NXPE4: variants seen among roughly 807,000 people sequenced by gnomAD.
NXPE4 encodes neurexophilin and PC-esterase domain family member 4.
Under a neutral mutation model 33.3 loss-of-function variants are expected in NXPE4, and 42 were observed. The ratio of observed to expected loss-of-function variants is 1.26; its 90% CI spans 0.98 to 1.63. The LOEUF (loss-of-function observed/expected upper bound fraction) is 1.63, where lower values mean the gene tolerates loss of function less well. Ranked by LOEUF, NXPE4 falls within the 40% of genes most tolerant of loss-of-function variation. The probability of loss-of-function intolerance (pLI) is 0.00; values close to 1 mark genes in which losing one functional copy is unlikely to be tolerated. For synonymous variants in NXPE4, 253 were observed against 234.9 expected (o/e 1.08, Z -0.71); for missense variants, 709 against 647.6 (o/e 1.09, Z -1.03).
chr11:114,658,103 C>T, the NXPE4 span, among the ~76,000 whole-genome samples: 12 of 151,958 alleles, frequency 7.9e-5, no homozygotes, highest in African/African-American at 2.2e-4. Flanking sequence ...TCATCAATCC[C>T]GTCATAAAAA....
At chr11:114,665,965 G>A in the NXPE4 span, among the ~76,000 whole-genome samples, 3 of 152,114 alleles carry the variant, frequency 2.0e-5, no homozygotes, top group Non-Finnish European at 4.4e-5. Flanking sequence ...GGAGACTGAG[G>A]TAGGGGGCAG....
chr11:114,619,606 A>C, the NXPE4 span, among the ~76,000 whole-genome samples: 1 of 131,216 alleles, frequency 7.6e-6, no homozygotes, highest in Non-Finnish European at 1.6e-5. Context: ...AGTGCTTCCC[A>C]GTGGAAAATG....
chr11:114,669,258 T>C, the NXPE4 span, among the ~76,000 whole-genome samples: 2 of 152,114 alleles, frequency 1.3e-5, no homozygotes, highest in Non-Finnish European at 2.9e-5. Flanking sequence ...AAACATTTTT[T>C]GAAGAAAATC....
the NXPE4 span, among the ~76,000 whole-genome samples, chr11:114,619,971 C>A: frequency 1.1e-3 from 163 of 152,018 alleles, no homozygotes; most frequent in African/African-American, 3.9e-3. Flanking sequence ...CGTGAGTAAC[C>A]ACTGTTACCT....
At chr11:114,612,806 G>T in the NXPE4 span, among the ~76,000 whole-genome samples, 1 of 151,832 alleles carries the variant, frequency 6.6e-6, no homozygotes, top group Non-Finnish European at 1.5e-5. Context: ...GTGTTGCCTC[G>T]TGGGAAAGCA....
intron 5 of NXPE4, among the ~76,000 whole-genome samples, chr11:114,577,603 C>T (rs758106048): frequency 7.9e-5 from 12 of 152,160 alleles, no homozygotes; most frequent in Middle Eastern, 3.4e-3. Context: ...ATTACGTGCA[C>T]GCCACCTTAT....
chr11:114,611,941 T>C, the NXPE4 span, among the ~76,000 whole-genome samples: 1 of 151,986 alleles, frequency 6.6e-6, no homozygotes, highest in Non-Finnish European at 1.5e-5. Context: ...GGGTAACCAC[T>C]GTTACCTGGT....
the NXPE4 span, among the ~76,000 whole-genome samples, chr11:114,643,855 G>A: frequency 3.3e-5 from 5 of 152,136 alleles, no homozygotes; most frequent in Non-Finnish European, 5.9e-5. Flanking sequence ...ACTTTAGGCA[G>A]AATGGCCACT....
At chr11:114,638,082 C>T in the NXPE4 span, among the ~76,000 whole-genome samples, 63 of 151,508 alleles carry the variant, frequency 4.2e-4, 2 homozygotes, top group Non-Finnish European at 7.5e-4. Flanking sequence ...TCCATTCACC[C>T]CGTCACTTTC....
the NXPE4 span, among the ~76,000 whole-genome samples, chr11:114,636,769 A>C: frequency 7.3e-5 from 11 of 151,526 alleles, no homozygotes; most frequent in Non-Finnish European, 1.2e-4. Context: ...GTAGTTGAGT[A>C]GTTTTGAGTG....
the NXPE4 span, among the ~76,000 whole-genome samples, chr11:114,668,235 T>C: frequency 1.3e-5 from 2 of 152,054 alleles, no homozygotes; most frequent in Non-Finnish European, 2.9e-5. Context: ...TTAGGATCTA[T>C]GTTAATTAAG....
intron 2 of NXPE4, among the ~76,000 whole-genome samples, chr11:114,586,035 G>A (rs1028721415): frequency 6.6e-6 from 1 of 152,116 alleles, no homozygotes. Flanking sequence ...TATGCAAATG[G>A]CACACCGAGT....
intron 2 of NXPE4, 102 bp from the exon 3 acceptor site, chr11:114,583,123 T>G: frequency 8.0e-7 from 1 of 1,250,440 alleles, no homozygotes; most frequent in Non-Finnish European, 1.1e-6. Flanking sequence ...ATGTTCCTAG[T>G]CATTTTTACT....
chr11:114,577,567 A>T (rs1949040163), intron 5 of NXPE4, among the ~76,000 whole-genome samples: 1 of 152,160 alleles, frequency 6.6e-6, no homozygotes, highest in South Asian at 2.1e-4. Flanking sequence ...CTTAAAAATT[A>T]AAAAAGTGTT....
chr11:114,573,428 G>A (rs1446036278), intron 5 of NXPE4, among the ~76,000 whole-genome samples: 2 of 151,786 alleles, frequency 1.3e-5, no homozygotes, highest in African/African-American at 2.4e-5. Context: ...GAATGGGTAA[G>A]AATTCACCAG....
At position 114,582,956 on chromosome 11, in the gene NXPE4, G is replaced by T; in HGVS notation, c.162C>A (p.Phe54Leu). 2 of 1,614,104 alleles carry T rather than the reference G, an allele frequency of 1.2e-6. No individual in the cohort carries two copies. Among genetic ancestry groups the T allele is most frequent in the Non-Finnish European group, 1.7e-6 (2 of 1,180,020 alleles). The change falls in exon 3 of 6, where the codon TTC (phenylalanine) becomes TTA (leucine). Residue 54 changes from phenylalanine (F) to leucine (L), a missense_variant. Phe to Leu is a conservative substitution (Grantham distance 22, BLOSUM62 0). Transcript: ENST00000375478. ...TTAATGATATCAGTGGTGTTTTAGG[G>T]AATAAGGACTTTGTGGAGTTGTTCC... ...HYWNNSTKSL[F>L]PKTPLISLKP...
At chr11:114,612,933 C>T in the NXPE4 span, among the ~76,000 whole-genome samples, 3 of 151,768 alleles carry the variant, frequency 2.0e-5, no homozygotes, top group African/African-American at 7.3e-5. Flanking sequence ...TGTTGCATCG[C>T]ATGTATCCAC....
At chr11:114,626,329 G>A in the NXPE4 span, among the ~76,000 whole-genome samples, 2 of 152,228 alleles carry the variant, frequency 1.3e-5, no homozygotes, top group African/African-American at 4.8e-5. Context: ...CTGGAGATCT[G>A]AGAATGGGCA....
At chr11:114,651,312 G>C in the NXPE4 span, among the ~76,000 whole-genome samples, 1 of 151,940 alleles carries the variant, frequency 6.6e-6, no homozygotes, top group Non-Finnish European at 1.5e-5. Flanking sequence ...GAGTGAAGCC[G>C]CAGACCTTGT....
Sources: gnomAD v4.1 joint callset for allele counts (sites outside exome capture counted in the v4.1 genomes callset) on GRCh38, gnomAD v4.1.1 for gene constraint, MANE v1.5 for transcripts, NCBI Gene and HGNC (gene_info 2026-07-23, HGNC 2026-07-21) for gene names.